Variants in MDN1 observed in about 807,000 individuals in gnomAD.
MDN1 encodes midasin.
Under a neutral mutation model 669.2 loss-of-function variants are expected in MDN1, and 266 were observed. The ratio of observed to expected loss-of-function variants is 0.40; its 90% confidence interval spans 0.36 to 0.44. MDN1 has a LOEUF of 0.44. Ranked by LOEUF, MDN1 falls within the 20% of genes least tolerant of loss-of-function variation. MDN1 has a pLI of 1.00. For missense variants in MDN1, 5,940 were observed against 6,754.0 expected (o/e 0.88, Z 4.22); for synonymous variants, 2,385 against 2,457.1 (o/e 0.97, Z 0.87).
chr6:89,752,618 GC>G (rs1457631396), intron 22 of MDN1, among the ~76,000 whole-genome samples: 2 of 152,052 alleles, frequency 1.3e-5, no homozygotes, highest in Non-Finnish European at 2.9e-5. Context: ...TTCTAACAGT[GC>G]CCCCACTACT....
chr6:89,762,252 A>C, intron 16 of MDN1, 67 bp downstream of exon 16: 1 of 1,348,844 alleles, frequency 7.4e-7, no homozygotes, highest in Non-Finnish European at 1.0e-6. Context: ...CTCTTCCCCA[A>C]AACTAATATG....
At position 89,753,493 on chromosome 6, in the gene MDN1, A is replaced by G. The variant is rs766240081; in HGVS notation, c.3075+19T>C. The stretch of plus-strand genomic sequence containing the variant: ...CAGCCTTTCAAGTGTAACAAGTCAA[A>G]AATAACAAAAGAACATACCTGCTTC... On this transcript the variant is annotated intron_variant, in intron 22 of 101. Coordinates refer to ENST00000369393, the MANE Select transcript of MDN1 (RefSeq NM_014611.3). The G allele has an allele frequency of 1.3e-6, 2 of 1,574,054 alleles. No homozygotes were observed. Among genetic ancestry groups the G allele is most frequent in the Admixed American group, 3.5e-5 (2 of 57,934 alleles).
intron 74 of MDN1, among the ~76,000 whole-genome samples, chr6:89,680,375 C>T: frequency 6.6e-6 from 1 of 152,246 alleles, no homozygotes; most frequent in African/African-American, 2.4e-5. Context: ...TGCCAAGTTA[C>T]ATGAGAGGAC....
At position 89,668,228 on chromosome 6, in the gene MDN1, A is replaced by T. The variant is rs1338117546; in HGVS notation, c.13957-77T>A. 5 of 1,546,114 alleles carry T rather than the reference A, an allele frequency of 3.2e-6. No individual in the cohort carries two copies. The African/African-American group carries it at 6.9e-5, about 21-fold the overall frequency. On this transcript the variant is annotated intron_variant, in intron 83 of 101. Coordinates refer to ENST00000369393, the MANE Select transcript of MDN1 (RefSeq NM_014611.3). ...AAGGAGATTTCATTCTTGCCACAGG[A>T]AAACAATTTAAACACATACTGAATT...
At chr6:89,728,860 G>A (rs996113375) in intron 36 of MDN1, 71 bp downstream of exon 36, 2 of 1,445,166 alleles carry the variant, frequency 1.4e-6, no homozygotes, top group Non-Finnish European at 1.9e-6. Context: ...TTTCTGATTA[G>A]GCAAATATAA....
At chr6:89,660,103 T>C (rs1809618373) in intron 88 of MDN1, among the ~76,000 whole-genome samples, 2 of 152,138 alleles carry the variant, frequency 1.3e-5, no homozygotes, top group African/African-American at 4.8e-5. Flanking sequence ...GTCAGGCTAG[T>C]CTTGAACTCC....
intron 19 of MDN1, 126 bp downstream of exon 19, chr6:89,758,129 G>A: frequency 1.5e-6 from 1 of 675,662 alleles, no homozygotes; most frequent in Non-Finnish European, 2.6e-6. Flanking sequence ...TGGGAGGTGG[G>A]AGGTGGGAGG....
Position 89,695,788 on chromosome 6 carries a change from C to T in MDN1, c.9588G>A (p.Gln3196=). Residue 3196 remains glutamine, a synonymous_variant, in exon 61 of 102, where the codon CAG becomes CAA. Coordinates refer to ENST00000369393, the MANE Select transcript of MDN1 (RefSeq NM_014611.3). This position sits in a 1 kb window ranked among gnomAD's most constrained non-coding sequence, Gnocchi z 4.1. The part of the protein sequence containing the change: ...QEVLPKELLC[Q]LLTSLHHFVG... Reference sequence around the variant, plus strand: ...CAAAGTGGTGCAGGGAGGTGAGCAACTGGCAGAGCAGTTCCTTGGGCAGCA... The same window carrying T: ...CAAAGTGGTGCAGGGAGGTGAGCAATTGGCAGAGCAGTTCCTTGGGCAGCA... 1.2e-6 allele frequency: 2 copies of T among 1,613,638 alleles called. No homozygotes were observed. Among genetic ancestry groups the T allele is most frequent in the Non-Finnish European group, 1.7e-6 (2 of 1,179,936 alleles).
In MDN1 at chr6:89,718,505, A is replaced by T. The variant is rs1814578835; in HGVS notation, c.6444T>A (p.Ser2148Arg). The change falls in exon 43 of 102, where the codon AGT (serine) becomes AGA (arginine). Residue 2148 changes from serine (S) to arginine (R), a missense_variant. Ser to Arg is a moderately radical substitution (Grantham distance 110, BLOSUM62 -1). This residue lies in a region of MDN1 where 2,292 missense variants were observed against 2,638.3 expected (regional missense o/e 0.87). Transcript: ENST00000369393. The part of the protein sequence containing the change: ...DDAEVVLRAW[S>R]HFLLTYKPKC... ...TAGGCTTATATGTCAGAAGAAAATG[A>T]CTCCAGGCTCGCAGCACTACTTCTG... The T allele has an allele frequency of 6.2e-7, 1 of 1,614,058 alleles. No homozygotes were observed.
chr6:89,700,948 T>C (rs1813116143), intron 55 of MDN1, 92 bp from the exon 56 acceptor site: 9 of 1,050,762 alleles, frequency 8.6e-6, no homozygotes, highest in African/African-American at 1.6e-5. Flanking sequence ...ATTTATGATA[T>C]ATTCTTAATG....
chr6:89,712,944 A>G (rs1281011996), intron 47 of MDN1, among the ~76,000 whole-genome samples, 158 bp from the exon 48 acceptor site: 1 of 99,396 alleles, frequency 1.0e-5, no homozygotes, highest in Non-Finnish European at 2.1e-5. Context: ...TCCTGATGAC[A>G]TGTAAGTTTA....
At chr6:89,719,966 G>A (rs906309664) in intron 40 of MDN1, among the ~76,000 whole-genome samples, 4 of 151,850 alleles carry the variant, frequency 2.6e-5, no homozygotes, top group Admixed American at 6.6e-5. Context: ...GGTGGGGGGC[G>A]GATAGAGGTA....
intron 1 of MDN1, among the ~76,000 whole-genome samples, chr6:89,803,817 G>A (rs1336998432): frequency 6.6e-6 from 1 of 150,766 alleles, no homozygotes. Flanking sequence ...TCCTGACCTC[G>A]TGATCCGCCC....
At chr6:89,803,895 CTTTTTT>C (rs56246331) in intron 1 of MDN1, among the ~76,000 whole-genome samples, 2,399 of 76,346 alleles carry the variant, frequency 0.031, 41 homozygotes, top group Middle Eastern at 0.065. Flanking sequence ...CTTTTCTTTT[CTTTTTT>C]TTTTTTTTTT....
chr6:89,756,119 T>C (rs1817229808), intron 20 of MDN1, among the ~76,000 whole-genome samples, 158 bp downstream of exon 20: 1 of 152,244 alleles, frequency 6.6e-6, no homozygotes, highest in African/African-American at 2.4e-5. Flanking sequence ...AAGGAGTTCA[T>C]ATCAGGTTCC....
At chr6:89,670,778 C>T in intron 83 of MDN1, 141 bp downstream of exon 83, 1 of 976,448 alleles carries the variant, frequency 1.0e-6, no homozygotes, top group Non-Finnish European at 1.5e-6. Context: ...CAGACAAAGC[C>T]CTAAATAATC....
chr6:89,750,570 A>C (rs759143482), intron 23 of MDN1, 38 bp from the exon 24 acceptor site: 1 of 1,555,628 alleles, frequency 6.4e-7, no homozygotes, highest in Admixed American at 1.8e-5. Context: ...TTAAAACAAC[A>C]AAAAATTACA....
At chr6:89,778,482 T>C (rs573828842) in intron 11 of MDN1, among the ~76,000 whole-genome samples, 1 of 152,082 alleles carries the variant, frequency 6.6e-6, no homozygotes, top group South Asian at 2.1e-4. Context: ...ATATTAAAAA[T>C]ACAGGATTTA....
Position 89,662,815 on chromosome 6 carries a change from C to T in MDN1, c.14389G>A (p.Glu4797Lys), listed in dbSNP as rs1398191782. Residue 4797 changes from glutamate to lysine, a missense_variant, in exon 86 of 102, where the codon GAA becomes AAA. Glu to Lys is a moderately conservative substitution (Grantham distance 56). Around this residue, in one of 5 missense-constraint regions of MDN1, gnomAD observed 2,280 missense variants for 2,576.3 expected, o/e 0.88. Coordinates refer to ENST00000369393, the MANE Select transcript of MDN1 (RefSeq NM_014611.3). ...ACCTCATCCATTCCTGGTCCTGTTT[C>T]TTCAGTTTTATTGTCTTCTTCCTCC... ...DEEEEDNKTE[E>K]TGPGMDEEDS... 3.1e-6 allele frequency: 5 copies of T among 1,614,064 alleles called. No homozygotes were observed.
Sources: gnomAD v4.1 joint callset for allele counts (sites outside exome capture counted in the v4.1 genomes callset) on GRCh38, gnomAD v4.1.1 for gene constraint, gnomAD v4.1.1 regional missense constraint, Gnocchi (gnomAD v3.1) non-coding constraint, MANE v1.5 for transcripts, NCBI Gene and HGNC (gene_info 2026-07-23, HGNC 2026-07-21) for gene names.